ERC2: variants seen among roughly 807,000 people sequenced by gnomAD.
ERC2 encodes ERC protein 2.
In ERC2, 42 loss-of-function variants were observed where a neutral mutation model predicts 114.8. The observed-to-expected ratio is 0.37, with a 90% CI of 0.29 to 0.47. The LOEUF (loss-of-function observed/expected upper bound fraction) is 0.47. ERC2 is among the 20% of genes least tolerant of loss of function. ERC2 has a pLI of 0.99. For missense variants in ERC2, 939 were observed against 1,150.7 expected, an observed-to-expected ratio of 0.82 and a Z score of 2.66; for synonymous variants, 454 against 425.5, an observed-to-expected ratio of 1.07 and a Z score of -0.82.
intron 14 of ERC2, among the ~76,000 whole-genome samples, chr3:55,872,806 C>T (rs1245905730): frequency 6.6e-6 from 1 of 152,186 alleles, no homozygotes; most frequent in Non-Finnish European, 1.5e-5. Flanking sequence ...TAAAACTCTA[C>T]TAGTGCCACT....
At chr3:56,106,335 G>A (rs775449340) in intron 6 of ERC2, among the ~76,000 whole-genome samples, 2 of 152,246 alleles carry the variant, frequency 1.3e-5, no homozygotes, top group Non-Finnish European at 2.9e-5. Context: ...AAGTTCACCT[G>A]TAAGCAGAAT....
intron 3 of ERC2, among the ~76,000 whole-genome samples, chr3:56,242,874 G>A (rs2051418894): frequency 1.3e-5 from 2 of 152,148 alleles, no homozygotes; most frequent in Non-Finnish European, 2.9e-5. Flanking sequence ...TATGCTTATT[G>A]GTAGATTTTA....
At chr3:56,091,562 A>C (rs1456036161) in intron 6 of ERC2, among the ~76,000 whole-genome samples, 1 of 152,162 alleles carries the variant, frequency 6.6e-6, no homozygotes, top group African/African-American at 2.4e-5. Flanking sequence ...CTGTAATTAC[A>C]TCAACATTTC....
intron 17 of ERC2, among the ~76,000 whole-genome samples, chr3:55,625,874 C>A (rs972503969): frequency 1.7e-4 from 26 of 152,312 alleles, no homozygotes; most frequent in African/African-American, 6.0e-4. Context: ...GCGCATTATC[C>A]CTTTAAGCCC....
chr3:55,724,587 G>T (rs970503887), intron 15 of ERC2, among the ~76,000 whole-genome samples: 3 of 152,112 alleles, frequency 2.0e-5, no homozygotes, highest in African/African-American at 7.2e-5. Context: ...TTGTCATGAG[G>T]ATTAAATGAG....
chr3:56,304,186 A>G (rs2056076931), intron 2 of ERC2, among the ~76,000 whole-genome samples: 1 of 152,226 alleles, frequency 6.6e-6, no homozygotes, highest in Non-Finnish European at 1.5e-5. Flanking sequence ...AGAGAAAACT[A>G]GTGAACAAAG....
At chr3:56,034,185 T>C (rs1183593678) in intron 7 of ERC2, among the ~76,000 whole-genome samples, 1 of 152,212 alleles carries the variant, frequency 6.6e-6, no homozygotes, top group Non-Finnish European at 1.5e-5. Context: ...ACTATACTTA[T>C]ATCAGACAAA....
At chr3:55,975,775 C>T (rs1238688627) in intron 12 of ERC2, among the ~76,000 whole-genome samples, 1 of 152,198 alleles carries the variant, frequency 6.6e-6, no homozygotes, top group Non-Finnish European at 1.5e-5. Flanking sequence ...CTTCTCCCTA[C>T]CGCAGAGTCT....
chr3:55,606,301 T>C (rs1253382872), intron 17 of ERC2, among the ~76,000 whole-genome samples: 2 of 152,180 alleles, frequency 1.3e-5, no homozygotes, highest in Admixed American at 6.5e-5. Flanking sequence ...TGAAATCTCA[T>C]CTATTCATTC....
At chr3:55,882,589 T>G (rs1334422735) in intron 14 of ERC2, among the ~76,000 whole-genome samples, 1 of 152,240 alleles carries the variant, frequency 6.6e-6, no homozygotes, top group Non-Finnish European at 1.5e-5. Flanking sequence ...TATTATTTCC[T>G]AAACAATACA....
At chr3:55,754,492 C>T (rs1463165980) in intron 14 of ERC2, among the ~76,000 whole-genome samples, 1 of 109,226 alleles carries the variant, frequency 9.2e-6, no homozygotes, top group African/African-American at 3.0e-5. Flanking sequence ...CTCTTCAGAG[C>T]CAAAAAGCTT....
intron 13 of ERC2, among the ~76,000 whole-genome samples, chr3:55,917,948 G>T (rs1408059183): frequency 6.6e-6 from 1 of 151,898 alleles, no homozygotes. Context: ...TTAAGAAAAT[G>T]CTAGCTGCTC....
chr3:56,456,305 C>T (rs2063059812), intron 1 of ERC2, among the ~76,000 whole-genome samples: 1 of 152,312 alleles, frequency 6.6e-6, no homozygotes, highest in East Asian at 1.9e-4. Flanking sequence ...TTCTGACTAG[C>T]AAACCAAAGG....
intron 14 of ERC2, among the ~76,000 whole-genome samples, chr3:55,760,539 T>C (rs865989876): frequency 1.6e-4 from 24 of 152,338 alleles, no homozygotes; most frequent in Admixed American, 1.0e-3. Context: ...TTTTCACATA[T>C]ACATTGGTGA....
chr3:56,220,252 T>A lies in ERC2; in HGVS notation c.1075-46732A>T, dbSNP rs534365943. 4.6e-5 allele frequency among the ~76,000 whole-genome samples: 7 copies of A among 152,330 alleles called. No homozygotes were observed. The East Asian group carries it at 1.4e-3, about 29-fold the overall frequency. ...ATAATTAGACACTATCCTCAGGTTC[T>A]GTTACGTCATGCCATTCTGCATTTC... On this transcript the variant is annotated intron_variant, in intron 3 of 17. Transcript: ENST00000288221.
intron 2 of ERC2, among the ~76,000 whole-genome samples, chr3:56,300,434 C>T (rs954981147): frequency 2.6e-5 from 4 of 152,060 alleles, no homozygotes; most frequent in African/African-American, 9.7e-5. Context: ...GGAACCCAGG[C>T]TAGGGGCATG....
intron 15 of ERC2, among the ~76,000 whole-genome samples, chr3:55,723,487 T>C (rs1425941805): frequency 2.0e-5 from 3 of 152,050 alleles, no homozygotes; most frequent in African/African-American, 7.2e-5. Context: ...AGGGGTAACA[T>C]TGAAAAAAAA....
chr3:55,890,795 C>T (rs1438241091), intron 13 of ERC2, among the ~76,000 whole-genome samples: 1 of 152,174 alleles, frequency 6.6e-6, no homozygotes, highest in Admixed American at 6.5e-5. Flanking sequence ...AAAATAAGTT[C>T]CCAGGCCAAG....
intron 2 of ERC2, among the ~76,000 whole-genome samples, chr3:56,405,778 C>A (rs2107022781): frequency 6.6e-6 from 1 of 152,020 alleles, no homozygotes; most frequent in East Asian, 1.9e-4. Flanking sequence ...GGTTAGTTCC[C>A]ATCTTTTATC....
Sources: gnomAD v4.1 joint callset for allele counts (sites outside exome capture counted in the v4.1 genomes callset) on GRCh38, gnomAD v4.1.1 for gene constraint, MANE v1.5 for transcripts, NCBI Gene and HGNC (gene_info 2026-07-23, HGNC 2026-07-21) for gene names.